The following RIN2 variants were observed in gnomAD, a reference collection of about 807,000 sequenced individuals.
RIN2 encodes the protein Ras and Rab interactor 2, also known as RAB5 interacting protein 2.
RIN2 carries 36 observed loss-of-function variants against 78.0 expected under a neutral mutation model. The observed-to-expected ratio is 0.46, with a 90% CI of 0.35 to 0.61. RIN2 has a LOEUF of 0.61. Ranked by LOEUF, RIN2 falls within the 20% of genes least tolerant of loss-of-function variation. The pLI, the probability that RIN2 is intolerant of heterozygous loss-of-function variation, is 0.00. For synonymous variants in RIN2, 466 were observed against 466.8 expected (o/e 1.00, Z 0.02); for missense variants, 1,087 against 1,159.7 (o/e 0.94, Z 0.91).
chr20:19,816,783 A>G lies in RIN2; in HGVS notation c.-37+17036A>G, dbSNP rs1600524782. The stretch of plus-strand genomic sequence containing the variant: ...ATTGCCAGCCATATTCTGTTGAGAC[A>G]AGAGGACATTGATACAATTCCTGAT... On this transcript the variant is annotated intron_variant, in intron 2 of 12. Transcript: ENST00000255006. Among the ~76,000 whole-genome samples the G allele has an allele frequency of 2.6e-5, 4 of 152,344 alleles. No homozygotes were observed. The East Asian group carries it at 7.7e-4, about 29-fold the overall frequency.
intron 1 of RIN2, among the ~76,000 whole-genome samples, chr20:19,770,970 C>T (rs1017400145): frequency 6.6e-6 from 1 of 151,562 alleles, no homozygotes; most frequent in African/African-American, 2.4e-5. Context: ...GCCCCTTCTT[C>T]GAGTTCAACT....
chr20:19,862,364 G>A (rs571011029), intron 2 of RIN2, among the ~76,000 whole-genome samples: 1 of 152,288 alleles, frequency 6.6e-6, no homozygotes, highest in Admixed American at 6.5e-5. Context: ...GGCCGAGGCG[G>A]GTGGATTGCC....
intron 5 of RIN2, among the ~76,000 whole-genome samples, chr20:19,958,841 C>A (rs1043201790): frequency 7.9e-5 from 12 of 151,870 alleles, no homozygotes; most frequent in Non-Finnish European, 1.5e-5. Context: ...TGCACTCCAG[C>A]CTGAATGACA....
intron 3 of RIN2, among the ~76,000 whole-genome samples, chr20:19,918,127 C>T (rs1164186740): frequency 1.3e-5 from 2 of 152,084 alleles, no homozygotes; most frequent in African/African-American, 4.8e-5. Context: ...GACACCCACG[C>T]CAGTGCATTC....
chr20:19,790,171 A>G (rs2034843751), intron 1 of RIN2, among the ~76,000 whole-genome samples: 1 of 152,038 alleles, frequency 6.6e-6, no homozygotes, highest in Admixed American at 6.6e-5. Flanking sequence ...TGTCTCTAGT[A>G]ATTCTTCAAC....
intron 2 of RIN2, among the ~76,000 whole-genome samples, chr20:19,831,006 C>T (rs765271696): frequency 4.6e-5 from 7 of 152,206 alleles, no homozygotes; most frequent in Non-Finnish European, 8.8e-5. Context: ...ACTGATCCCA[C>T]GGGCGCTCCT....
intron 3 of RIN2, among the ~76,000 whole-genome samples, chr20:19,902,484 A>G (rs1156688418): frequency 6.6e-6 from 1 of 152,042 alleles, no homozygotes; most frequent in East Asian, 1.9e-4. Flanking sequence ...AGTTTCCTAT[A>G]GCAAAAGGTG....
chr20:19,922,828 C>G (rs116770831), intron 3 of RIN2, among the ~76,000 whole-genome samples: 12 of 152,260 alleles, frequency 7.9e-5, no homozygotes, highest in African/African-American at 2.9e-4. Context: ...GGACCCCACC[C>G]CATACTGCAG....
intron 3 of RIN2, among the ~76,000 whole-genome samples, chr20:19,919,916 A>G (rs1723967827): frequency 1.3e-5 from 2 of 152,254 alleles, no homozygotes; most frequent in Admixed American, 6.5e-5. Context: ...AAAAATATTA[A>G]GCAAAAGATG....
chr20:19,804,418 G>A (rs1471348034), intron 2 of RIN2, among the ~76,000 whole-genome samples: 1 of 152,112 alleles, frequency 6.6e-6, no homozygotes, highest in Admixed American at 6.5e-5. Flanking sequence ...GGGATGTGGA[G>A]TTCTATTGGA....
chr20:19,910,563 A>C (rs954571807), intron 3 of RIN2, among the ~76,000 whole-genome samples: 2 of 137,700 alleles, frequency 1.5e-5, no homozygotes, highest in Non-Finnish European at 3.1e-5. Context: ...CTGTGAGAGG[A>C]AGTGAACTTT....
At chr20:19,962,264 C>T (rs958269994) in intron 6 of RIN2, among the ~76,000 whole-genome samples, 4 of 150,756 alleles carry the variant, frequency 2.7e-5, no homozygotes, top group African/African-American at 4.9e-5. Flanking sequence ...CCAGCCTGGG[C>T]GACAGAGCCA....
intron 3 of RIN2, among the ~76,000 whole-genome samples, chr20:19,931,725 T>TTTTTC (rs1419865376): frequency 7.7e-6 from 1 of 129,386 alleles, no homozygotes; most frequent in Admixed American, 7.8e-5. Context: ...TTTTTTTTTT[T>TTTTTC]CTGCTTTCAA....
intron 2 of RIN2, chr20:19,886,471 C>T: frequency 2.0e-6 from 1 of 512,582 alleles, no homozygotes; most frequent in Non-Finnish European, 3.4e-6. Flanking sequence ...ATAGTCACTT[C>T]CTGCCTTTGT....
chr20:19,964,624 C>A (rs776907119), intron 6 of RIN2, among the ~76,000 whole-genome samples: 4 of 152,086 alleles, frequency 2.6e-5, no homozygotes, highest in Non-Finnish European at 5.9e-5. Flanking sequence ...TGTGCTGATA[C>A]AATCCAGACA....
At chr20:19,913,391 TC>T (rs2123742741) in intron 3 of RIN2, among the ~76,000 whole-genome samples, 2 of 152,306 alleles carry the variant, frequency 1.3e-5, no homozygotes, top group South Asian at 4.1e-4. Context: ...CAAGCCATCT[TC>T]CTGCCTTGAC....
chr20:19,866,309 T>C (rs1455142371), intron 2 of RIN2, among the ~76,000 whole-genome samples: 1 of 152,164 alleles, frequency 6.6e-6, no homozygotes, highest in African/African-American at 2.4e-5. Flanking sequence ...CAGATGAAGC[T>C]TCACTGCCTC....
At chr20:19,917,882 T>G in intron 3 of RIN2, among the ~76,000 whole-genome samples, 1 of 152,246 alleles carries the variant, frequency 6.6e-6, no homozygotes, top group East Asian at 1.9e-4. Flanking sequence ...CTGTTCACTA[T>G]CATAAATGAT....
chr20:19,844,796 A>T (rs972050055), intron 2 of RIN2, among the ~76,000 whole-genome samples: 1 of 151,466 alleles, frequency 6.6e-6, no homozygotes, highest in African/African-American at 2.4e-5. Context: ...CAGGTTTGTT[A>T]CATAGGTATA....
Sources: allele counts gnomAD v4.1 joint callset (sites outside exome capture counted in the v4.1 genomes callset), GRCh38; gene constraint gnomAD v4.1.1; transcripts MANE v1.5; gene names NCBI Gene and HGNC (gene_info 2026-07-23, HGNC 2026-07-21).